Variants in STARD13 observed in about 807,000 individuals in gnomAD.
STARD13 encodes the protein stAR-related lipid transfer protein 13.
In STARD13, 62 loss-of-function variants were observed where a neutral mutation model predicts 106.4. The observed-to-expected ratio is 0.58, with a 90% CI of 0.48 to 0.72. The LOEUF (loss-of-function observed/expected upper bound fraction) is 0.72, where lower values mean the gene tolerates loss of function less well. Among genes scored for constraint, STARD13 ranks in the 30% least tolerant of loss-of-function variants. STARD13 has a pLI of 0.00. For synonymous variants in STARD13, 565 were observed against 553.0 expected (o/e 1.02, Z -0.31); for missense variants, 1,387 against 1,424.0 (o/e 0.97, Z 0.42).
chr13:33,237,024 T>G (rs1419363125), intron 1 of STARD13, among the ~76,000 whole-genome samples: 8 of 152,152 alleles, frequency 5.3e-5, no homozygotes, highest in African/African-American at 1.9e-4. Context: ...CTCAATTTTC[T>G]TCTTTCTTCC....
chr13:33,553,230 C>T, the STARD13 span, among the ~76,000 whole-genome samples: 5 of 151,440 alleles, frequency 3.3e-5, no homozygotes, highest in Admixed American at 6.6e-5. Flanking sequence ...CAGTTTCATT[C>T]GTAAATGTAC....
chr13:33,499,519 T>TTCTTTCTTTCTTTCTTC, the STARD13 span, among the ~76,000 whole-genome samples: 6 of 91,978 alleles, frequency 6.5e-5, no homozygotes, highest in Admixed American at 3.6e-4. Flanking sequence ...TTCTTCTTTC[T>TTCTTTCTTTCTTTCTTC]TTCTTCTTCT....
intron 1 of STARD13, among the ~76,000 whole-genome samples, chr13:33,229,774 C>T (rs1735615275): frequency 6.6e-6 from 1 of 152,192 alleles, no homozygotes; most frequent in African/African-American, 2.4e-5. Flanking sequence ...TGTAACTTTC[C>T]CTACGCATCA....
the STARD13 span, among the ~76,000 whole-genome samples, chr13:33,594,026 C>T: frequency 6.6e-6 from 1 of 152,174 alleles, no homozygotes; most frequent in African/African-American, 2.4e-5. Context: ...CCTGCCTCAG[C>T]CTCCCAAGTA....
intron 10 of STARD13, among the ~76,000 whole-genome samples, chr13:33,111,355 C>T (rs1476964304): frequency 2.0e-5 from 3 of 152,216 alleles, no homozygotes; most frequent in African/African-American, 7.2e-5. Context: ...AAGTATGCCA[C>T]AAGTCTGGTT....
chr13:33,383,959 T>C, the STARD13 span, among the ~76,000 whole-genome samples: 1 of 151,930 alleles, frequency 6.6e-6, no homozygotes, highest in African/African-American at 2.4e-5. Flanking sequence ...AGGGAGCTCG[T>C]TCAAGGGCAC....
At chr13:33,474,971 C>T in the STARD13 span, among the ~76,000 whole-genome samples, 10 of 152,082 alleles carry the variant, frequency 6.6e-5, no homozygotes, top group African/African-American at 2.4e-4. Flanking sequence ...CTTAATATCT[C>T]AGTTTTCAGA....
At chr13:33,542,594 C>G in the STARD13 span, among the ~76,000 whole-genome samples, 1 of 152,222 alleles carries the variant, frequency 6.6e-6, no homozygotes, top group Admixed American at 6.5e-5. Context: ...GGCGCGCGCA[C>G]CAGCAACCAG....
the STARD13 span, among the ~76,000 whole-genome samples, chr13:33,401,067 C>T: frequency 6.6e-6 from 1 of 152,114 alleles, no homozygotes; most frequent in African/African-American, 2.4e-5. Context: ...AATATATGTG[C>T]ATGACACCCC....
the STARD13 span, among the ~76,000 whole-genome samples, chr13:33,568,953 A>G: frequency 5.4e-5 from 8 of 147,974 alleles, 2 homozygotes; most frequent in Admixed American, 2.1e-4. Context: ...TAAACTACCA[A>G]TAACCATTAC....
At chr13:33,655,430 A>G in the STARD13 span, among the ~76,000 whole-genome samples, 1 of 152,252 alleles carries the variant, frequency 6.6e-6, no homozygotes, top group East Asian at 1.9e-4. Context: ...AGGCAAGTCC[A>G]TAATAAACGG....
At chr13:33,360,309 A>G in the STARD13 span, among the ~76,000 whole-genome samples, 5,625 of 151,814 alleles carry the variant, frequency 0.037, 337 homozygotes, top group African/African-American at 0.13. Flanking sequence ...GGTTCCAGCT[A>G]TTCTCCTGCC....
chr13:33,632,794 A>G, the STARD13 span, among the ~76,000 whole-genome samples: 3 of 150,620 alleles, frequency 2.0e-5, no homozygotes, highest in Non-Finnish European at 4.4e-5. Context: ...ATTGATCACT[A>G]TGCCATGATG....
the STARD13 span, among the ~76,000 whole-genome samples, chr13:33,655,397 T>C: frequency 8.9e-4 from 136 of 152,286 alleles, no homozygotes; most frequent in African/African-American, 3.2e-3. Flanking sequence ...AGGAGGCCAA[T>C]ATACTAGTCA....
chr13:33,391,255 A>T, the STARD13 span, among the ~76,000 whole-genome samples: 113 of 152,306 alleles, frequency 7.4e-4, 1 homozygote, highest in African/African-American at 2.6e-3. Context: ...CGATATTGAC[A>T]ATCAGCAAGA....
At chr13:33,180,523 CAAGT>C (rs1382899827) in intron 1 of STARD13, 1 of 152,112 alleles carries the variant, frequency 6.6e-6, no homozygotes, top group Non-Finnish European at 1.5e-5. Context: ...AAAATCTCAA[CAAGT>C]AAGTAAATTG....
the STARD13 span, among the ~76,000 whole-genome samples, chr13:33,661,792 G>A: frequency 6.0e-3 from 914 of 152,084 alleles, 7 homozygotes; most frequent in Non-Finnish European, 9.0e-3. Flanking sequence ...GTGAGATTTG[G>A]GTGGGGACAC....
At chr13:33,553,054 T>G in the STARD13 span, among the ~76,000 whole-genome samples, 1 of 152,102 alleles carries the variant, frequency 6.6e-6, no homozygotes, top group African/African-American at 2.4e-5. Context: ...AATAAAACAT[T>G]TTATTTGTTT....
chr13:33,142,493 A>C (rs1174386805), intron 3 of STARD13, 120 bp from the exon 4 acceptor site: 1 of 841,706 alleles, frequency 1.2e-6, no homozygotes, highest in East Asian at 2.6e-5. Flanking sequence ...TTATGTCCCA[A>C]GACAGTACTG....
Sources: allele counts gnomAD v4.1 joint callset (sites outside exome capture counted in the v4.1 genomes callset), GRCh38; gene constraint gnomAD v4.1.1; transcripts MANE v1.5; gene names NCBI Gene and HGNC (gene_info 2026-07-23, HGNC 2026-07-21).